Variants in SLAMF1 observed in about 807,000 individuals in gnomAD.
SLAMF1 encodes the protein signaling lymphocytic activation molecule.
A neutral mutation model predicts 35.1 loss-of-function variants in SLAMF1; 18 were observed. That is an observed-to-expected ratio of 0.51 (90% CI 0.35 to 0.76). The LOEUF (loss-of-function observed/expected upper bound fraction) is 0.76. SLAMF1 is among the 30% of genes least tolerant of loss of function. The pLI is 0.01. For missense variants in SLAMF1, 392 were observed against 413.0 expected (o/e 0.95, Z 0.44); for synonymous variants, 168 against 157.2 (o/e 1.07, Z -0.51).
Position 160,612,490 on chromosome 1 carries a change from G to A in SLAMF1, c.955C>T (p.Gln319Ter), listed in dbSNP as rs1659041342. The A allele has an allele frequency of 6.2e-7, 1 of 1,602,744 alleles. No homozygotes were observed. The highest frequency in any genetic ancestry group is 8.5e-7 in the Non-Finnish European group (1 of 1,170,456). Residue 319 changes from glutamine to a stop codon, truncating the protein, a stop_gained and splice_region_variant, in exon 6 of 7, where the codon CAG (glutamine) becomes TAG (stop). Coordinates refer to ENST00000302035, the MANE Select transcript of SLAMF1 (RefSeq NM_003037.5). LOFTEE classifies it high-confidence loss of function. The stretch of plus-strand genomic sequence containing the variant: ...GAGTAGGCAGAGAGATGCCTCACCT[G>A]GACAGACTCTGGGACAGGCTCTGTG... Reference protein sequence around the residue: ...AATEPVPESVQETNSITVYAS... With the variant: ...AATEPVPESV
chr1:160,634,954 C>G, intron 2 of SLAMF1, 57 bp from the exon 3 acceptor site: 1 of 1,494,406 alleles, frequency 6.7e-7, no homozygotes, highest in South Asian at 1.3e-5. Flanking sequence ...GGAATTCTCA[C>G]TTGACCTTTT....
At position 160,642,433 on chromosome 1, in the gene SLAMF1, G is replaced by A. The variant is rs745950959; in HGVS notation, c.76+4437C>T. Among the ~76,000 whole-genome samples the A allele has an allele frequency of 3.3e-5, 5 of 152,060 alleles. No individual in the cohort carries two copies. The highest frequency in any genetic ancestry group is 9.7e-5 in the African/African-American group (4 of 41,394). ...CACAGACTTCCAATGGACAATGAAC[G>A]CACTCCTTCATATCATTCATCACGT... On this transcript the variant is annotated intron_variant, in intron 1 of 6. Coordinates refer to ENST00000302035, the MANE Select transcript of SLAMF1 (RefSeq NM_003037.5). This position sits in a 1 kb window ranked among gnomAD's most constrained non-coding sequence, Gnocchi z 4.2.
chr1:160,624,367 T>G, intron 3 of SLAMF1, among the ~76,000 whole-genome samples, 182 bp from the exon 4 acceptor site: 1 of 152,218 alleles, frequency 6.6e-6, no homozygotes, highest in East Asian at 1.9e-4. Flanking sequence ...ATCTGTTTTC[T>G]TATTCTAATT....
intron 1 of SLAMF1, among the ~76,000 whole-genome samples, chr1:160,640,074 G>A (rs1660658645): frequency 6.6e-6 from 1 of 151,834 alleles, no homozygotes; most frequent in Admixed American, 6.6e-5. Flanking sequence ...ATAGCTTTGT[G>A]TTTCTTTCTG....
chr1:160,624,342 A>G (rs937616590), intron 3 of SLAMF1, among the ~76,000 whole-genome samples, 157 bp from the exon 4 acceptor site: 1 of 152,202 alleles, frequency 6.6e-6, no homozygotes. Flanking sequence ...GCTTTAGACC[A>G]CTGAAAATTT....
chr1:160,611,498 G>T (rs1422266644), intron 6 of SLAMF1, among the ~76,000 whole-genome samples: 1 of 152,152 alleles, frequency 6.6e-6, no homozygotes, highest in Non-Finnish European at 1.5e-5. Flanking sequence ...AGGCATTTCT[G>T]GATGAGTGTG....
intron 4 of SLAMF1, 77 bp from the exon 5 acceptor site, chr1:160,619,926 G>T: frequency 1.0e-6 from 1 of 960,990 alleles, no homozygotes; most frequent in Non-Finnish European, 1.7e-6. Context: ...GGTCTTTACT[G>T]TCCTTTGCAT....
In SLAMF1 at chr1:160,642,631, A is replaced by C. The variant is rs756968114; in HGVS notation, c.76+4239T>G. ...ATAAAACAGAATGGGATGAATGAAA[A>C]ATGAGCAAATGACAACACAGAGTCC... On this transcript the variant is annotated intron_variant, in intron 1 of 6. Transcript: ENST00000302035. This position sits in a 1 kb window ranked among gnomAD's most constrained non-coding sequence, Gnocchi z 4.2. Among the ~76,000 whole-genome samples the C allele has an allele frequency of 1.7e-4, 26 of 152,230 alleles. No individual in the cohort carries two copies. Among genetic ancestry groups the C allele is most frequent in the Admixed American group, 4.6e-4 (7 of 15,286 alleles).
At chr1:160,640,324 T>TCA (rs1199887074) in intron 1 of SLAMF1, among the ~76,000 whole-genome samples, 12 of 39,556 alleles carry the variant, frequency 3.0e-4, no homozygotes, top group African/African-American at 1.1e-3. Context: ...ATTAGGTTTG[T>TCA]CATATATATA....
chr1:160,610,408 A>AT lies in SLAMF1; in HGVS notation c.*339dup, dbSNP rs367716961. Reference sequence around the variant, plus strand: ...CTCAGATGTCCTGGCTTTCAGTCTGATTTTTATTATCCAGTTCCAGCCAAG... The same window carrying AT: ...CTCAGATGTCCTGGCTTTCAGTCTGATTTTTTATTATCCAGTTCCAGCCAAG... On this transcript the variant is annotated 3_prime_UTR_variant, in exon 7 of 7. Transcript: ENST00000302035. 1.1e-4 allele frequency: 53 copies of AT among 474,082 alleles called. No homozygotes were observed. The highest frequency in any genetic ancestry group is 1.0e-3 in the African/African-American group (51 of 50,980). The allele number at this position is 474,082 out of a possible 1,614,324, so 29.4% of individuals were successfully genotyped here. A position where few individuals can be genotyped will look rare whatever the true frequency, so the allele number is the denominator to read the frequency against.
chr1:160,633,225 T>TG (rs949897984), intron 3 of SLAMF1, among the ~76,000 whole-genome samples: 8 of 152,016 alleles, frequency 5.3e-5, no homozygotes, highest in Non-Finnish European at 8.8e-5. Context: ...CGCTCTGAAC[T>TG]GGGGGGTAGC....
chr1:160,618,981 T>C (rs2102281992), intron 5 of SLAMF1, among the ~76,000 whole-genome samples: 1 of 152,314 alleles, frequency 6.6e-6, no homozygotes, highest in African/African-American at 2.4e-5. Flanking sequence ...CAAGAGTCCA[T>C]CTCCTGGTTC....
intron 1 of SLAMF1, among the ~76,000 whole-genome samples, chr1:160,639,603 C>T (rs990477967): frequency 6.6e-6 from 1 of 152,172 alleles, no homozygotes; most frequent in African/African-American, 2.4e-5. Flanking sequence ...ACCCTTTTCA[C>T]CTCCTGCATT....
chr1:160,615,274 ATGAAAT>A (rs1558002261), intron 5 of SLAMF1, among the ~76,000 whole-genome samples: 1 of 152,124 alleles, frequency 6.6e-6, no homozygotes, highest in Non-Finnish European at 1.5e-5. Flanking sequence ...TAAAATATAT[ATGAAAT>A]TCAAATAATG....
rs1661071344 is a variant in SLAMF1 at position 160,646,930 on chromosome 1, G to A, written c.16C>T (p.Leu6Phe). The change falls in exon 1 of 7, where the codon CTC (leucine) becomes TTC (phenylalanine). Residue 6 changes from leucine to phenylalanine, a missense_variant. Coordinates refer to ENST00000302035, the MANE Select transcript of SLAMF1 (RefSeq NM_003037.5). ...AACAGCACGAAGGTCAAGGAGAGGA[G>A]CCCCTTGGGATCCATCAGCCAATGA... MDPKG[L>F]LSLTFVLFLS... is the part of the protein sequence containing the mutation. 4 of 1,601,222 alleles carry A rather than the reference G, an allele frequency of 2.5e-6. No individual in the cohort carries two copies. In the South Asian group the frequency reaches 3.3e-5, roughly 13 times the overall value.
Position 160,617,732 on chromosome 1 carries a change from C to T in SLAMF1, c.864+2044G>A, listed in dbSNP as rs116535212. 2.1e-3 allele frequency among the ~76,000 whole-genome samples: 316 copies of T among 152,156 alleles called. 2 individuals are homozygous for T. The highest frequency in any genetic ancestry group is 6.9e-3 in the African/African-American group (286 of 41,500). On this transcript the variant is annotated intron_variant, in intron 5 of 6. Coordinates refer to ENST00000302035, the MANE Select transcript of SLAMF1 (RefSeq NM_003037.5). ...ACAGGAGGCCTTCAGGAAGTACGGG[C>T]AATGTTCTAGTCTTTGATCTGAGTG...
At position 160,610,175 on chromosome 1, in the gene SLAMF1, T is replaced by A. The variant is rs1000322931; in HGVS notation, c.*573A>T. The A allele has an allele frequency of 4.2e-5, 16 of 383,866 alleles. No homozygotes were observed. The highest frequency in any genetic ancestry group is 4.6e-5 in the Non-Finnish European group (9 of 193,600). The allele number at this position is 383,866 out of a possible 1,614,324, so 23.8% of individuals were successfully genotyped here. ...AATAAAATAATATTCTTAGCTTCCT[T>A]TATACAATAATATCAGAGTGTTTTA... On this transcript the variant is annotated 3_prime_UTR_variant, in exon 7 of 7. Coordinates refer to ENST00000302035, the MANE Select transcript of SLAMF1 (RefSeq NM_003037.5).
chr1:160,615,502 C>G (rs918973898), intron 5 of SLAMF1, among the ~76,000 whole-genome samples: 1 of 151,984 alleles, frequency 6.6e-6, no homozygotes, highest in Admixed American at 6.6e-5. Flanking sequence ...ACCAAAGAAA[C>G]CCCAGTCTCA....
In SLAMF1 at chr1:160,637,496, C is replaced by T. The variant is rs773168489; in HGVS notation, c.110G>A (p.Arg37Gln). ...CAGCAGCACTTTGCTTCCCAACTGC[C>T]GGAGAATCTTTGGGCAGTTCATCAT... ...GRMMNCPKILRQLGSKVLLPL... is the reference protein window; with the variant it reads ...GRMMNCPKILQQLGSKVLLPL... Residue 37 changes from arginine to glutamine, a missense_variant, in exon 2 of 7, where the codon CGG (arginine) becomes CAG (glutamine). Transcript: ENST00000302035. 1.2e-5 allele frequency: 19 copies of T among 1,612,354 alleles called. No individual in the cohort carries two copies. Among genetic ancestry groups the T allele is most frequent in the East Asian group, 6.7e-5 (3 of 44,884 alleles).
Sources: allele counts gnomAD v4.1 joint callset (sites outside exome capture counted in the v4.1 genomes callset), GRCh38; gene constraint gnomAD v4.1.1; non-coding constraint Gnocchi (gnomAD v3.1); transcripts MANE v1.5; gene names NCBI Gene and HGNC (gene_info 2026-07-23, HGNC 2026-07-21).